DUOXA1: variants seen among roughly 807,000 people sequenced by gnomAD.
DUOXA1 encodes dual oxidase maturation factor 1, also known as dual oxidase activator 1.
DUOXA1 carries 19 observed loss-of-function variants against 26.6 expected under a neutral mutation model. The ratio of observed to expected loss-of-function variants is 0.71; its 90% CI spans 0.50 to 1.05. The LOEUF (loss-of-function observed/expected upper bound fraction) is 1.05, where lower values mean the gene tolerates loss of function less well. DUOXA1 is among the 50% of genes least tolerant of loss of function. The pLI is 0.00. For synonymous variants in DUOXA1, 166 were observed against 177.0 expected, an observed-to-expected ratio of 0.94 and a Z score of 0.49; for missense variants, 403 against 427.5, an observed-to-expected ratio of 0.94 and a Z score of 0.51.
At position 45,117,531 on chromosome 15, in the gene DUOXA1, T is replaced by G. The variant is rs1473676046; in HGVS notation, c.*1575A>C. 1.9e-6 allele frequency: 3 copies of G among 1,558,810 alleles called. No individual in the cohort carries two copies. Among genetic ancestry groups the G allele is most frequent in the Admixed American group, 3.9e-5 (2 of 51,616 alleles). ...TCATGTAATTCAGATTAGAGGTGTGTGGCGGGAGGTAACACAAGGGGTAGG... is the reference window on the plus strand; with the variant it reads ...TCATGTAATTCAGATTAGAGGTGTGGGGCGGGAGGTAACACAAGGGGTAGG... On this transcript the variant is annotated 3_prime_UTR_variant, in exon 9 of 9. Coordinates refer to ENST00000560572, the MANE Select transcript of DUOXA1 (RefSeq NM_001276266.2).
At chr15:45,122,366 GA>G (rs1895299695) in intron 4 of DUOXA1, 124 bp from the exon 5 acceptor site, 4 of 907,402 alleles carry the variant, frequency 4.4e-6, no homozygotes, top group Middle Eastern at 4.2e-4. Context: ...ATTGAAATCA[GA>G]GTGTCTGGCA....
At chr15:45,122,816 G>A (rs1895357746) in intron 4 of DUOXA1, 52 bp downstream of exon 4, 2 of 1,555,444 alleles carry the variant, frequency 1.3e-6, no homozygotes, top group African/African-American at 2.7e-5. Flanking sequence ...GAACCCCTCA[G>A]CCTGAGGCTG....
Position 45,118,369 on chromosome 15 carries a change from A to G in DUOXA1, c.*737T>C, listed in dbSNP as rs2141175582. 1 of 1,122,566 alleles carries G rather than the reference A, an allele frequency of 8.9e-7. No homozygotes were observed. Among genetic ancestry groups the G allele is most frequent in the South Asian group, 3.6e-5 (1 of 27,812 alleles). The allele number at this position is 1,122,566 out of a possible 1,614,324, so 69.5% of individuals were successfully genotyped here. A position where few individuals can be genotyped will look rare whatever the true frequency, so the allele number is the denominator to read the frequency against. ...CACTCCCCCGTCCTGGATGCCACTCAGCTAGCCCAGCTGAGTGGGGTGGGA... is the reference window on the plus strand; with the variant it reads ...CACTCCCCCGTCCTGGATGCCACTCGGCTAGCCCAGCTGAGTGGGGTGGGA... On this transcript the variant is annotated 3_prime_UTR_variant, in exon 9 of 9. Transcript: ENST00000560572.
rs1595537941 is a variant in DUOXA1, at chr15:45,117,840, T to C, written c.*1266A>G. Reference sequence around the variant, plus strand: ...GCCAGGAGAGAGGGGGCTCACCTCTTATCCTCGGCGACCCACTGCACAAGC... The same window carrying C: ...GCCAGGAGAGAGGGGGCTCACCTCTCATCCTCGGCGACCCACTGCACAAGC... On this transcript the variant is annotated 3_prime_UTR_variant, in exon 9 of 9. Transcript: ENST00000560572. 1 of 1,612,174 alleles carries C rather than the reference T, an allele frequency of 6.2e-7. No homozygotes were observed. The highest frequency in any genetic ancestry group is 8.5e-7 in the Non-Finnish European group (1 of 1,180,022).
At chr15:45,126,326 T>C (rs1895677362) in intron 3 of DUOXA1, among the ~76,000 whole-genome samples, 1 of 152,240 alleles carries the variant, frequency 6.6e-6, no homozygotes, top group Non-Finnish European at 1.5e-5. Context: ...ATAGCCATAC[T>C]GAATGACTGA....
chr15:45,127,438 C>A (rs904941472), intron 3 of DUOXA1, among the ~76,000 whole-genome samples: 2 of 152,118 alleles, frequency 1.3e-5, no homozygotes, highest in African/African-American at 2.4e-5. Flanking sequence ...TCCAGTTCTC[C>A]AAAATGTCAT....
At chr15:45,122,762 G>C in intron 4 of DUOXA1, 106 bp downstream of exon 4, 1 of 1,380,814 alleles carries the variant, frequency 7.2e-7, no homozygotes, top group South Asian at 1.5e-5. Context: ...TCTTTTCTCC[G>C]CACTGGGGTC....
Position 45,118,370 on chromosome 15 carries a change from G to A in DUOXA1, c.*736C>T. 1 of 1,121,742 alleles carries A rather than the reference G, an allele frequency of 8.9e-7. No individual in the cohort carries two copies. The highest frequency in any genetic ancestry group is 1.1e-6 in the Non-Finnish European group (1 of 916,352). The allele number at this position is 1,121,742 out of a possible 1,614,324, so 69.5% of individuals were successfully genotyped here. A position where few individuals can be genotyped will look rare whatever the true frequency, so the allele number is the denominator to read the frequency against. On this transcript the variant is annotated 3_prime_UTR_variant, in exon 9 of 9. Coordinates refer to ENST00000560572, the MANE Select transcript of DUOXA1 (RefSeq NM_001276266.2). ...ACTCCCCCGTCCTGGATGCCACTCA[G>A]CTAGCCCAGCTGAGTGGGGTGGGAA...
chr15:45,122,237 C>G lies in DUOXA1; in HGVS notation c.153G>C (p.Leu51=). The G allele has an allele frequency of 6.2e-7, 1 of 1,604,642 alleles. No individual in the cohort carries two copies. The highest frequency in any genetic ancestry group is 8.5e-7 in the Non-Finnish European group (1 of 1,175,480). Residue 51 remains leucine, a synonymous_variant, in exon 5 of 9, where the codon CTG becomes CTC. Transcript: ENST00000560572. ...TGGTCACCACCCGAAGCAGCCAGAA[C>G]AGCCTCTGAGTCACAAGGTAGGTGG... ...ILPGIRGKTR[L]FWLLRVVTSL...
Position 45,120,640 on chromosome 15 carries a change from A to G in DUOXA1, c.506T>C (p.Leu169Pro). The G allele has an allele frequency of 6.2e-7, 1 of 1,614,154 alleles. No homozygotes were observed. Among genetic ancestry groups the G allele is most frequent in the South Asian group, 1.1e-5 (1 of 91,086 alleles). The change falls in exon 7 of 9, where the codon CTA becomes CCA. Residue 169 changes from leucine to proline, a missense_variant. Physicochemically the swap from Leu to Pro is moderately conservative, Grantham distance 98 (BLOSUM62 -3). Coordinates refer to ENST00000560572, the MANE Select transcript of DUOXA1 (RefSeq NM_001276266.2). The stretch of plus-strand genomic sequence containing the variant: ...TCCCGCCAGGCGGTACTGGCGGTAT[A>G]GGCCACATGGGCTTCTTGGAGTGAA... Reference protein sequence around the residue: ...EKFTPRSPCGLYRQYRLAGHY... With the variant: ...EKFTPRSPCGPYRQYRLAGHY...
chr15:45,121,431 T>C (rs1464117148), intron 5 of DUOXA1, among the ~76,000 whole-genome samples: 1 of 152,194 alleles, frequency 6.6e-6, no homozygotes, highest in African/African-American at 2.4e-5. Flanking sequence ...CCTCCCTTTC[T>C]CCCTGCTTTA....
rs1896018241 is a variant in DUOXA1, at chr15:45,129,737, A to T, written c.-303+115T>A. The T allele has an allele frequency of 6.6e-6, 1 of 152,162 alleles. No individual in the cohort carries two copies. Among genetic ancestry groups the T allele is most frequent in the Non-Finnish European group, 1.5e-5 (1 of 68,018 alleles). 9.4% of individuals were successfully genotyped at this position (152,162 alleles called of 1,614,324 possible). A position where few individuals can be genotyped will look rare whatever the true frequency, so the allele number is the denominator to read the frequency against. ...CGCCTCCCACCCTCTCCCCAGCCCCATGGGACTTGTGAAGGCGGACTTGCT... is the reference window on the plus strand; with the variant it reads ...CGCCTCCCACCCTCTCCCCAGCCCCTTGGGACTTGTGAAGGCGGACTTGCT... On this transcript the variant is annotated intron_variant, in intron 1 of 8. Transcript: ENST00000560572. The surrounding 1 kb of genome is among the most constrained non-coding windows in gnomAD (Gnocchi z 4.1).
Position 45,118,147 on chromosome 15 carries a change from G to A in DUOXA1, c.*959C>T. The A allele has an allele frequency of 2.1e-5, 30 of 1,438,722 alleles. No homozygotes were observed. The highest frequency in any genetic ancestry group is 2.6e-4 in the Middle Eastern group (1 of 3,904). The allele number at this position is 1,438,722 out of a possible 1,614,324, so 89.1% of individuals were successfully genotyped here. A position where few individuals can be genotyped will look rare whatever the true frequency, so the allele number is the denominator to read the frequency against. The stretch of plus-strand genomic sequence containing the variant: ...ATTTTCATGGCTTCTCCGCGCCGGG[G>A]TCGCACGTCCTCATGAGCTTCGCTG... On this transcript the variant is annotated 3_prime_UTR_variant, in exon 9 of 9. Transcript: ENST00000560572.
Position 45,122,976 on chromosome 15 carries a change from G to A in DUOXA1, c.39C>T (p.Gly13=). 1 of 1,613,290 alleles carries A rather than the reference G, an allele frequency of 6.2e-7. No individual in the cohort carries two copies. The highest frequency in any genetic ancestry group is 2.2e-5 in the East Asian group (1 of 44,834). The change falls in exon 4 of 9, where the codon GGC becomes GGT. Residue 13 remains glycine (G), a synonymous_variant. Coordinates refer to ENST00000560572, the MANE Select transcript of DUOXA1 (RefSeq NM_001276266.2). ...TLGHTFPFYA[G]PKPTFPMDTT... ...TGTCCATCGGGAAGGTTGGCTTGGG[G>A]CCAGCATAGAAGGGGAATGTGTGTC... is the stretch of plus-strand genomic sequence containing the variant.
intron 7 of DUOXA1, 99 bp downstream of exon 7, chr15:45,120,493 C>T: frequency 6.7e-7 from 1 of 1,489,628 alleles, no homozygotes; most frequent in Non-Finnish European, 9.4e-7. Flanking sequence ...CAGGCCACCC[C>T]ACCTGAGATA....
In DUOXA1 at chr15:45,122,200, C is replaced by T. The variant is rs749367522; in HGVS notation, c.190G>A (p.Gly64Arg). The T allele has an allele frequency of 1.6e-5, 26 of 1,604,022 alleles. No individual in the cohort carries two copies. The highest frequency in any genetic ancestry group is 4.5e-5 in the South Asian group (4 of 88,836). Residue 64 changes from glycine to arginine, a missense_variant, in exon 5 of 9, where the codon GGG (glycine) becomes AGG (arginine). Gly to Arg is a moderately radical substitution (Grantham distance 125, BLOSUM62 -2). Coordinates refer to ENST00000560572, the MANE Select transcript of DUOXA1 (RefSeq NM_001276266.2). ...LLRVVTSLFI[G>R]AAILAVNFSS... ...TCGCACTCACCCAGGATTGCAGCCC[C>T]GATGAATAAGCTGGTCACCACCCGA...
chr15:45,121,861 A>G (rs1895239987), intron 5 of DUOXA1, among the ~76,000 whole-genome samples: 1 of 152,072 alleles, frequency 6.6e-6, no homozygotes. Flanking sequence ...CACCAAACTA[A>G]AGCAAACAGC....
rs1433985636 is a variant in DUOXA1, at chr15:45,117,815, GC to G, written c.*1290del. The G allele has an allele frequency of 6.2e-7, 1 of 1,613,818 alleles. No homozygotes were observed. The highest frequency in any genetic ancestry group is 1.3e-5 in the African/African-American group (1 of 74,942). On this transcript the variant is annotated 3_prime_UTR_variant, in exon 9 of 9. Coordinates refer to ENST00000560572, the MANE Select transcript of DUOXA1 (RefSeq NM_001276266.2). ...CTGGACCAAAGCGCCAAGGACTGCA[GC>G]CAGGAGAGAGGGGGCTCACCTCTTA...
Position 45,120,815 on chromosome 15 carries a change from A to G in DUOXA1, c.341-10T>C. The G allele has an allele frequency of 6.2e-7, 1 of 1,613,932 alleles. No individual in the cohort carries two copies. The highest frequency in any genetic ancestry group is 8.5e-7 in the Non-Finnish European group (1 of 1,179,916). On this transcript the variant is annotated splice_polypyrimidine_tract_variant and intron_variant, in intron 6 of 8. Transcript: ENST00000560572. ...TGCTGCACGGGGGTCCCTAGGGCAC[A>G]AGGCAGCTCTGCTCAGCAGGAACCC...
Sources: allele counts gnomAD v4.1 joint callset (sites outside exome capture counted in the v4.1 genomes callset), GRCh38; gene constraint gnomAD v4.1.1; non-coding constraint Gnocchi (gnomAD v3.1); transcripts MANE v1.5; gene names NCBI Gene and HGNC (gene_info 2026-07-23, HGNC 2026-07-21).